SLX9: variants seen among roughly 807,000 people sequenced by gnomAD.
SLX9 encodes the protein ribosome biogenesis protein SLX9 homolog.
SLX9 carries 19 observed loss-of-function variants against 20.8 expected under a neutral mutation model. The observed-to-expected ratio is 0.91, with a 90% CI of 0.64 to 1.34. SLX9 has a LOEUF of 1.34. SLX9 is among the 40% of genes most tolerant of loss of function. SLX9 has a pLI of 0.00. For missense variants in SLX9, 299 were observed against 322.2 expected, an observed-to-expected ratio of 0.93 and a Z score of 0.55; for synonymous variants, 113 against 137.1, an observed-to-expected ratio of 0.82 and a Z score of 1.23.
chr21:44,946,779 C>T (rs1399351044), intron 2 of SLX9, among the ~76,000 whole-genome samples: 1 of 152,218 alleles, frequency 6.6e-6, no homozygotes, highest in Non-Finnish European at 1.5e-5. Flanking sequence ...TTCCACCGCC[C>T]TGCTGTGGGT....
intron 4 of SLX9, among the ~76,000 whole-genome samples, chr21:44,968,140 C>G (rs1023662312): frequency 1.3e-3 from 204 of 152,200 alleles, no homozygotes; most frequent in African/African-American, 4.7e-3. Context: ...AGCATGAGCC[C>G]TCCTCCTGAC....
In SLX9 at chr21:44,976,949, C is replaced by T. The variant is rs2085275791; in HGVS notation, c.*146C>T. The T allele has an allele frequency of 7.0e-6, 8 of 1,143,754 alleles. No individual in the cohort carries two copies. In the South Asian group the frequency reaches 8.5e-5, roughly 12 times the overall value. 70.9% of individuals were successfully genotyped at this position (1,143,754 alleles called of 1,614,324 possible). ...CTCAATAAATGGCTCTGTGAACTTCCCCTGCACTGCCAGGGCCGTTCCCAT... is the reference window on the plus strand; with the variant it reads ...CTCAATAAATGGCTCTGTGAACTTCTCCTGCACTGCCAGGGCCGTTCCCAT... On this transcript the variant is annotated 3_prime_UTR_variant, in exon 6 of 6. Coordinates refer to ENST00000291634, the MANE Select transcript of SLX9 (RefSeq NM_058190.4).
intron 4 of SLX9, among the ~76,000 whole-genome samples, chr21:44,972,838 C>T (rs796768266): frequency 1.6e-4 from 24 of 152,060 alleles, no homozygotes; most frequent in African/African-American, 5.5e-4. Context: ...GGGGTGGAGA[C>T]GCTGTATATC....
At chr21:44,963,128 C>T (rs1467400298) in intron 3 of SLX9, among the ~76,000 whole-genome samples, 19 of 147,676 alleles carry the variant, frequency 1.3e-4, no homozygotes, top group Non-Finnish European at 2.7e-4. Context: ...CTTGCTCTGT[C>T]GCCAGGCTGG....
At chr21:44,974,829 G>A (rs966865412) in intron 5 of SLX9, among the ~76,000 whole-genome samples, 12 of 152,180 alleles carry the variant, frequency 7.9e-5, no homozygotes, top group African/African-American at 2.4e-4. Context: ...TGTGGCCATC[G>A]TCCTGCCTGG....
intron 2 of SLX9, among the ~76,000 whole-genome samples, chr21:44,959,681 A>G (rs373081427): frequency 2.0e-5 from 3 of 152,286 alleles, no homozygotes; most frequent in African/African-American, 7.2e-5. Context: ...GCCTGACGTG[A>G]CCACACAGGA....
intron 4 of SLX9, among the ~76,000 whole-genome samples, chr21:44,968,414 G>T (rs2085080097): frequency 6.6e-6 from 1 of 152,266 alleles, no homozygotes; most frequent in Non-Finnish European, 1.5e-5. Context: ...TGTGGTGTGT[G>T]CACCCCAGGA....
chr21:44,968,227 ACAACCCTGCCACCCGGTGACG>A (rs1282908899), intron 4 of SLX9, among the ~76,000 whole-genome samples: 3 of 150,678 alleles, frequency 2.0e-5, no homozygotes, highest in Non-Finnish European at 4.4e-5. Flanking sequence ...CCCCAGTGAC[ACAACCCTGCCACCCGGTGACG>A]CAACCCCCAG....
At chr21:44,972,659 A>G (rs1190581343) in intron 4 of SLX9, among the ~76,000 whole-genome samples, 1 of 152,216 alleles carries the variant, frequency 6.6e-6, no homozygotes, top group African/African-American at 2.4e-5. Context: ...ACTGTAGCAC[A>G]GCGTGCGCCT....
intron 2 of SLX9, among the ~76,000 whole-genome samples, chr21:44,944,981 G>A (rs1475837521): frequency 6.6e-6 from 1 of 152,234 alleles, no homozygotes. Flanking sequence ...AGGCTGTGGA[G>A]GCGCCCGCTC....
rs1357857298 is a variant in SLX9 at position 44,976,897 on chromosome 21, C to T, written c.*94C>T. 16 of 1,492,130 alleles carry T rather than the reference C, an allele frequency of 1.1e-5. No individual in the cohort carries two copies. The East Asian group carries it at 2.2e-4, about 21-fold the overall frequency. The allele number at this position is 1,492,130 out of a possible 1,614,324, so 92.4% of individuals were successfully genotyped here. A position where few individuals can be genotyped will look rare whatever the true frequency, so the allele number is the denominator to read the frequency against. ...AGGACCATGGCCTGAGCCTGGTGGA[C>T]GCCCTTCCCTCTGGTCGGTTGTGGG... On this transcript the variant is annotated 3_prime_UTR_variant, in exon 6 of 6. Transcript: ENST00000291634.
chr21:44,962,085 G>C (rs1188869400), intron 3 of SLX9, among the ~76,000 whole-genome samples: 1 of 152,116 alleles, frequency 6.6e-6, no homozygotes, highest in South Asian at 2.1e-4. Flanking sequence ...TTAAAAATGC[G>C]TTTCAAAGTA....
chr21:44,949,998 G>A (rs1269766538), intron 2 of SLX9, among the ~76,000 whole-genome samples: 2 of 152,212 alleles, frequency 1.3e-5, no homozygotes, highest in Admixed American at 1.3e-4. Context: ...TCCCGGGATA[G>A]AGACGCAGGC....
chr21:44,952,054 C>G (rs1409481551), intron 2 of SLX9, among the ~76,000 whole-genome samples: 1 of 147,506 alleles, frequency 6.8e-6, no homozygotes, highest in Non-Finnish European at 1.5e-5. Flanking sequence ...GGATTAAAGT[C>G]GCCGGTTTGA....
chr21:44,954,232 T>C (rs543316714), intron 2 of SLX9, among the ~76,000 whole-genome samples: 1 of 152,292 alleles, frequency 6.6e-6, no homozygotes, highest in African/African-American at 2.4e-5. Context: ...ATCAGCTCCA[T>C]GACACTTGCA....
rs372628638 is a variant in SLX9, at chr21:44,967,079, G to A, written c.398G>A (p.Arg133Gln). The A allele has an allele frequency of 1.7e-5, 27 of 1,611,594 alleles. No individual in the cohort carries two copies. Among genetic ancestry groups the A allele is most frequent in the Middle Eastern group, 2.2e-4 (1 of 4,614 alleles). The change falls in exon 4 of 6, where the codon CGG (arginine) becomes CAG (glutamine). Residue 133 changes from arginine to glutamine, a missense_variant. Transcript: ENST00000291634. Reference protein sequence around the residue: ...KLAEQKHREERRRRATVVVGD... With the variant: ...KLAEQKHREEQRRRATVVVGD... ...GCTGAGCAGAAGCACAGGGAGGAGCGGAGGCGGAGGGCCACGGTGGTGGTG... is the reference window on the plus strand; with the variant it reads ...GCTGAGCAGAAGCACAGGGAGGAGCAGAGGCGGAGGGCCACGGTGGTGGTG...
intron 5 of SLX9, among the ~76,000 whole-genome samples, chr21:44,974,867 C>T (rs1555875823): frequency 6.6e-6 from 1 of 152,254 alleles, no homozygotes; most frequent in Non-Finnish European, 1.5e-5. Flanking sequence ...CCCCAGTGCA[C>T]AGCCTGGTCC....
intron 5 of SLX9, 40 bp from the exon 6 acceptor site, chr21:44,976,640 G>T: frequency 6.4e-7 from 1 of 1,562,932 alleles, no homozygotes; most frequent in East Asian, 2.3e-5. Context: ...GAGGGGTCCG[G>T]GGGTTCCTGC....
Position 44,970,015 on chromosome 21 carries a change from G to A in SLX9, c.500+2834G>A, listed in dbSNP as rs557322364. ...GTTTGGGGAGGAAGCCCCCAGAGGC[G>A]AAGTGCCACTGTCACTCCACTGTAT... is the stretch of plus-strand genomic sequence containing the variant. On this transcript the variant is annotated intron_variant, in intron 4 of 5. Coordinates refer to ENST00000291634, the MANE Select transcript of SLX9 (RefSeq NM_058190.4). 4.7e-4 allele frequency among the ~76,000 whole-genome samples: 72 copies of A among 152,302 alleles called. 2 individuals carry two copies. The South Asian group carries it at 0.011, about 22-fold the overall frequency.
Sources: allele counts gnomAD v4.1 joint callset (sites outside exome capture counted in the v4.1 genomes callset), GRCh38; gene constraint gnomAD v4.1.1; transcripts MANE v1.5; gene names NCBI Gene and HGNC (gene_info 2026-07-23, HGNC 2026-07-21).